Variants in SMIM19 observed in about 807,000 individuals in gnomAD.
SMIM19 encodes the protein UPF0697 protein C8orf40.
SMIM19 carries 6 observed loss-of-function variants against 13.2 expected under a neutral mutation model. That is an observed-to-expected ratio of 0.45 (90% CI 0.25 to 0.90). SMIM19 has a LOEUF of 0.90. SMIM19 is among the 40% of genes least tolerant of loss of function. SMIM19 has a pLI of 0.19. For missense variants in SMIM19, 138 were observed against 131.0 expected, an observed-to-expected ratio of 1.05 and a Z score of -0.26; for synonymous variants, 46 against 43.1, an observed-to-expected ratio of 1.07 and a Z score of -0.27.
rs76317031 is a variant in SMIM19 at position 42,550,835 on chromosome 8, C to G, written c.260-1709C>G. On this transcript the variant is annotated intron_variant, in intron 3 of 3. Transcript: ENST00000417410. ...TGTGGATTTGCACATTTAATGAATC[C>G]CAGCATAATGGGTCCTTAGTGTTCG... Among the ~76,000 whole-genome samples, 83 of 152,100 alleles carry G rather than the reference C, an allele frequency of 5.5e-4. 1 individual carries two copies. The East Asian group carries it at 0.013, about 24-fold the overall frequency.
At chr8:42,550,156 A>G (rs1246825656) in intron 3 of SMIM19, among the ~76,000 whole-genome samples, 2 of 152,134 alleles carry the variant, frequency 1.3e-5, no homozygotes, top group Non-Finnish European at 2.9e-5. Context: ...TAAGTAAAGA[A>G]CTAAGTTTTT....
Position 42,554,262 on chromosome 8 carries a change from G to T in SMIM19, c.*1654G>T, listed in dbSNP as rs923332478. ...GGATTGTAAACAGTTGTAATTATGG[G>T]TTGTAGTAACAGAGCAACAAGGGGA... On this transcript the variant is annotated 3_prime_UTR_variant, in exon 4 of 4. Coordinates refer to ENST00000417410, the MANE Select transcript of SMIM19 (RefSeq NM_001135674.2). 3 of 152,208 alleles carry T rather than the reference G, an allele frequency of 2.0e-5. No individual in the cohort carries two copies. Among genetic ancestry groups the T allele is most frequent in the Non-Finnish European group, 4.4e-5 (3 of 68,042 alleles). 9.4% of individuals were successfully genotyped at this position (152,208 alleles called of 1,614,324 possible).
chr8:42,550,145 C>A (rs1036804574), intron 3 of SMIM19, among the ~76,000 whole-genome samples: 4 of 152,010 alleles, frequency 2.6e-5, no homozygotes, highest in Admixed American at 2.6e-4. Flanking sequence ...ATGAAAAATT[C>A]TAAGTAAAGA....
At position 42,552,725 on chromosome 8, in the gene SMIM19, T is replaced by C; in HGVS notation, c.*117T>C. Reference sequence around the variant, plus strand: ...ATAAAATTATTTTACTTGTAACTTTTCCCCAATTGTTCTGTGCATTGTTTT... The same window carrying C: ...ATAAAATTATTTTACTTGTAACTTTCCCCCAATTGTTCTGTGCATTGTTTT... On this transcript the variant is annotated 3_prime_UTR_variant, in exon 4 of 4. Coordinates refer to ENST00000417410, the MANE Select transcript of SMIM19 (RefSeq NM_001135674.2). 8.0e-7 allele frequency: 1 copy of C among 1,254,578 alleles called. No homozygotes were observed. Among genetic ancestry groups the C allele is most frequent in the East Asian group, 2.4e-5 (1 of 42,114 alleles). 77.7% of individuals were successfully genotyped at this position (1,254,578 alleles called of 1,614,324 possible).
intron 3 of SMIM19, 43 bp from the exon 4 acceptor site, chr8:42,552,501 C>T (rs1315265893): frequency 3.2e-6 from 5 of 1,584,170 alleles, no homozygotes; most frequent in Non-Finnish European, 4.3e-6. Flanking sequence ...AATCATTTTG[C>T]AGTTTTATTA....
At position 42,548,771 on chromosome 8, in the gene SMIM19, T is replaced by A; in HGVS notation, c.250T>A (p.Tyr84Asn). 6.2e-7 allele frequency: 1 copy of A among 1,613,536 alleles called. No homozygotes were observed. Among genetic ancestry groups the A allele is most frequent in the Non-Finnish European group, 8.5e-7 (1 of 1,179,756 alleles). The change falls in exon 3 of 4, where the codon TAT becomes AAT. Residue 84 changes from tyrosine to asparagine, a missense_variant. By Grantham distance (143) the Tyr-to-Asn change is moderately radical. Coordinates refer to ENST00000417410, the MANE Select transcript of SMIM19 (RefSeq NM_001135674.2). The part of the protein sequence containing the change: ...KIRLRQQLEM[Y>N]SISRKYDYQQ... ...TCGTTTAAGACAACAACTGGAAATG[T>A]ATTCCATTTGTAAGTATATTCTGTG...
In SMIM19 at chr8:42,552,738, T is replaced by C; in HGVS notation, c.*130T>C. On this transcript the variant is annotated 3_prime_UTR_variant, in exon 4 of 4. Coordinates refer to ENST00000417410, the MANE Select transcript of SMIM19 (RefSeq NM_001135674.2). The stretch of plus-strand genomic sequence containing the variant: ...ACTTGTAACTTTTCCCCAATTGTTC[T>C]GTGCATTGTTTTGCCTTTTTAAATT... The C allele has an allele frequency of 2.6e-6, 3 of 1,133,866 alleles. No homozygotes were observed. In the South Asian group the frequency reaches 4.5e-5, roughly 17 times the overall value. The allele number at this position is 1,133,866 out of a possible 1,614,324, so 70.2% of individuals were successfully genotyped here.
At chr8:42,547,289 G>A (rs1813523210) in intron 2 of SMIM19, among the ~76,000 whole-genome samples, 1 of 152,042 alleles carries the variant, frequency 6.6e-6, no homozygotes, top group Non-Finnish European at 1.5e-5. Context: ...GAACATGGGA[G>A]GAGGATGCAG....
intron 2 of SMIM19, among the ~76,000 whole-genome samples, chr8:42,547,356 CAAA>C (rs35948113): frequency 6.9e-6 from 1 of 144,556 alleles, no homozygotes; most frequent in Non-Finnish European, 1.5e-5. Context: ...GACTCCATCT[CAAA>C]AAAAAAAAAG....
Position 42,553,488 on chromosome 8 carries a change from G to C in SMIM19, c.*880G>C, listed in dbSNP as rs1004743273. 2 of 152,236 alleles carry C rather than the reference G, an allele frequency of 1.3e-5. No homozygotes were observed. The highest frequency in any genetic ancestry group is 4.8e-5 in the African/African-American group (2 of 41,460). The allele number at this position is 152,236 out of a possible 1,614,324, so 9.4% of individuals were successfully genotyped here. A position where few individuals can be genotyped will look rare whatever the true frequency, so the allele number is the denominator to read the frequency against. On this transcript the variant is annotated 3_prime_UTR_variant, in exon 4 of 4. Transcript: ENST00000417410. ...ATTACTGCCACTGGTGAATGTTGCT[G>C]TCTGGTTACTGCTGCATTTTTGGCA... is the stretch of plus-strand genomic sequence containing the variant.
In SMIM19 at chr8:42,552,829, C is replaced by A; in HGVS notation, c.*221C>A. Reference sequence around the variant, plus strand: ...TGCACATATCCAGGATATGTGTAACCAGCGATGGTGACTTGACCTTGCCAA... The same window carrying A: ...TGCACATATCCAGGATATGTGTAACAAGCGATGGTGACTTGACCTTGCCAA... On this transcript the variant is annotated 3_prime_UTR_variant, in exon 4 of 4. Transcript: ENST00000417410. 1 of 481,520 alleles carries A rather than the reference C, an allele frequency of 2.1e-6. No individual in the cohort carries two copies. Among genetic ancestry groups the A allele is most frequent in the Non-Finnish European group, 3.7e-6 (1 of 272,114 alleles). The allele number at this position is 481,520 out of a possible 1,614,324, so 29.8% of individuals were successfully genotyped here.
intron 1 of SMIM19, among the ~76,000 whole-genome samples, chr8:42,542,982 TAA>T (rs57392162): frequency 9.3e-5 from 13 of 139,750 alleles, no homozygotes; most frequent in Non-Finnish European, 7.7e-5. Flanking sequence ...CCTGTTTTTG[TAA>T]AAAAAAAAAA....
At chr8:42,542,672 A>G (rs756884489) in intron 1 of SMIM19, among the ~76,000 whole-genome samples, 4 of 152,120 alleles carry the variant, frequency 2.6e-5, no homozygotes, top group Admixed American at 6.5e-5. Flanking sequence ...TAGAAAAAGT[A>G]GTTCTCGGCT....
At chr8:42,548,471 A>T (rs1359651693) in intron 2 of SMIM19, 185 bp from the exon 3 acceptor site, 1 of 705,302 alleles carries the variant, frequency 1.4e-6, no homozygotes, top group Non-Finnish European at 2.5e-6. Flanking sequence ...TCACAGCCTC[A>T]TACTTTTTAG....
chr8:42,544,959 C>G (rs994376858), intron 1 of SMIM19, among the ~76,000 whole-genome samples: 1 of 152,150 alleles, frequency 6.6e-6, no homozygotes, highest in East Asian at 1.9e-4. Context: ...TTTTGTAATG[C>G]CTTCATTGTT....
Position 42,546,551 on chromosome 8 carries a change from A to G in SMIM19, c.79A>G (p.Asn27Asp), listed in dbSNP as rs1352601365. 1 of 1,614,224 alleles carries G rather than the reference A, an allele frequency of 6.2e-7. No homozygotes were observed. Among genetic ancestry groups the G allele is most frequent in the Non-Finnish European group, 8.5e-7 (1 of 1,180,040 alleles). Residue 27 changes from asparagine (N) to aspartate (D), a missense_variant, in exon 2 of 4, where the codon AAT becomes GAT. Physicochemically the swap from Asn to Asp is conservative, Grantham distance 23. Transcript: ENST00000417410. ...TVHEAWNEAT[N>D]VYLIVILVSF... ...TCACGAAGCCTGGAATGAAGCCACC[A>G]ATGTTTACTTGATAGTTATCCTTGT...
At chr8:42,543,794 C>T (rs1048741600) in intron 1 of SMIM19, among the ~76,000 whole-genome samples, 4 of 152,090 alleles carry the variant, frequency 2.6e-5, no homozygotes, top group Non-Finnish European at 5.9e-5. Flanking sequence ...TGTATGGTTC[C>T]CCGTTTCTTG....
chr8:42,548,710 G>A lies in SMIM19; in HGVS notation c.189G>A (p.Leu63=). Residue 63 remains leucine, a synonymous_variant, in exon 3 of 4, where the codon TTG becomes TTA. Transcript: ENST00000417410. ...GTGTGCCACCTACAGAGGAAACTTT[G>A]TCAGAGCCCAACTTTTATGACACGA... ...IFSVPPTEET[L]SEPNFYDTIS... is the part of the protein sequence containing the mutation. 2 of 1,613,908 alleles carry A rather than the reference G, an allele frequency of 1.2e-6. No homozygotes were observed. The highest frequency in any genetic ancestry group is 1.1e-5 in the South Asian group (1 of 91,042).
rs996179203 is a variant in SMIM19 at position 42,542,343 on chromosome 8, T to C, written c.-35T>C. On this transcript the variant is annotated 5_prime_UTR_variant, in exon 1 of 4. Coordinates refer to ENST00000417410, the MANE Select transcript of SMIM19 (RefSeq NM_001135674.2). ...ACTGCCCAGCACCTGTGAATTGCTT[T>C]CCTGGATGTTGGGTGAAGGCCTGTG... 4.4e-6 allele frequency: 3 copies of C among 688,644 alleles called. No individual in the cohort carries two copies. The African/African-American group carries it at 5.8e-5, about 13-fold the overall frequency. The allele number at this position is 688,644 out of a possible 1,614,324, so 42.7% of individuals were successfully genotyped here. A position where few individuals can be genotyped will look rare whatever the true frequency, so the allele number is the denominator to read the frequency against.
Sources: gnomAD v4.1 joint callset for allele counts (sites outside exome capture counted in the v4.1 genomes callset) on GRCh38, gnomAD v4.1.1 for gene constraint, MANE v1.5 for transcripts, NCBI Gene and HGNC (gene_info 2026-07-23, HGNC 2026-07-21) for gene names.